Variants in MIB1 observed in about 807,000 individuals in gnomAD.
The protein encoded by MIB1 is MIB E3 ubiquitin protein ligase 1.
A neutral mutation model predicts 124.5 loss-of-function variants in MIB1; 278 were observed. That is an observed-to-expected ratio of 2.23 (90% CI 2.02 to 2.47). The LOEUF is 2.47. MIB1 is among the 30% of genes most tolerant of loss of function. The pLI, the probability that MIB1 is intolerant of heterozygous loss-of-function variation, is 0.00. For synonymous variants in MIB1, 446 were observed against 429.4 expected (o/e 1.04, Z -0.48); for missense variants, 957 against 1,254.4 (o/e 0.76, Z 3.58).
intron 13 of MIB1, among the ~76,000 whole-genome samples, chr18:21,842,546 G>T (rs551165625): frequency 2.0e-5 from 3 of 152,168 alleles, no homozygotes; most frequent in Admixed American, 2.0e-4. Context: ...CTTCATTAGG[G>T]TTCAGCTGTT....
chr18:21,809,972 T>A (rs1439974127), intron 10 of MIB1, among the ~76,000 whole-genome samples: 2 of 152,110 alleles, frequency 1.3e-5, no homozygotes, highest in East Asian at 3.8e-4. Context: ...GTGATCTTAG[T>A]GAAACCTAAA....
In MIB1 at chr18:21,857,250, C is replaced by T. The variant is rs1186513731; in HGVS notation, c.2779+7C>T. The T allele has an allele frequency of 5.6e-6, 9 of 1,594,398 alleles. No homozygotes were observed. The highest frequency in any genetic ancestry group is 2.2e-5 in the East Asian group (1 of 44,774). Reference sequence around the variant, plus strand: ...GATGCCACTGATGATATCTGTAAGTCGATTGTCTTAAGCATTTTCATATTT... The same window carrying T: ...GATGCCACTGATGATATCTGTAAGTTGATTGTCTTAAGCATTTTCATATTT... On this transcript the variant is annotated splice_region_variant and intron_variant, in intron 19 of 20. Transcript: ENST00000261537.
intron 1 of MIB1, among the ~76,000 whole-genome samples, chr18:21,750,588 A>G (rs1346845842): frequency 2.0e-5 from 3 of 152,240 alleles, no homozygotes; most frequent in Admixed American, 6.5e-5. Flanking sequence ...CGGCCTCCCA[A>G]AGTGCTGGGA....
intron 15 of MIB1, among the ~76,000 whole-genome samples, chr18:21,846,433 G>T (rs992621432): frequency 7.9e-5 from 12 of 152,184 alleles, no homozygotes; most frequent in African/African-American, 2.7e-4. Context: ...AAGATGATGA[G>T]AAGAATCTCA....
chr18:21,844,738 T>C (rs1415267123), intron 15 of MIB1, among the ~76,000 whole-genome samples: 1 of 152,106 alleles, frequency 6.6e-6, no homozygotes, highest in East Asian at 1.9e-4. Context: ...CATTCAGTTC[T>C]TTTTTAACAT....
chr18:21,835,801 C>CCACACAAACA (rs2042023532), intron 12 of MIB1, among the ~76,000 whole-genome samples: 1 of 101,586 alleles, frequency 9.8e-6, no homozygotes, highest in African/African-American at 3.9e-5. Context: ...ATATATATAT[C>CCACACAAACA]CACACACACA....
At chr18:21,751,465 T>C (rs747540533) in intron 1 of MIB1, among the ~76,000 whole-genome samples, 1 of 152,052 alleles carries the variant, frequency 6.6e-6, no homozygotes, top group Non-Finnish European at 1.5e-5. Context: ...TTCACCATGT[T>C]GGCCAGGCTG....
chr18:21,816,529 T>C (rs1264737458), intron 11 of MIB1, among the ~76,000 whole-genome samples: 11 of 152,212 alleles, frequency 7.2e-5, no homozygotes. Context: ...AAACAACATA[T>C]TATTTTTAAA....
chr18:21,862,250 C>CT (rs1305484610), intron 20 of MIB1, among the ~76,000 whole-genome samples: 5 of 152,122 alleles, frequency 3.3e-5, no homozygotes, highest in Admixed American at 3.3e-4. Flanking sequence ...CTTCTCAAAA[C>CT]TTTAAGACAA....
At chr18:21,778,305 G>T in intron 5 of MIB1, 136 bp downstream of exon 5, 3 of 536,670 alleles carry the variant, frequency 5.6e-6, no homozygotes, top group Non-Finnish European at 6.5e-6. Context: ...GCTTTCCTTT[G>T]GTCTTAAAGT....
chr18:21,724,731 T>A (rs1363034550), intron 1 of MIB1, among the ~76,000 whole-genome samples: 672 of 40,660 alleles, frequency 0.017, 11 homozygotes, highest in African/African-American at 0.05. Context: ...AAAAAAAATA[T>A]ATATATATAT....
At chr18:21,781,020 G>A (rs1292727428) in intron 6 of MIB1, among the ~76,000 whole-genome samples, 2 of 151,684 alleles carry the variant, frequency 1.3e-5, no homozygotes, top group African/African-American at 2.4e-5. Flanking sequence ...TCCCCTTTTC[G>A]TGTGTTCTTG....
At chr18:21,828,000 G>A (rs1284253551) in intron 12 of MIB1, 3 of 151,830 alleles carry the variant, frequency 2.0e-5, no homozygotes, top group African/African-American at 2.4e-5. Context: ...CTTAAAACAG[G>A]TACTGCTTAT....
chr18:21,857,581 A>G (rs1459709196), intron 19 of MIB1, among the ~76,000 whole-genome samples: 1 of 152,252 alleles, frequency 6.6e-6, no homozygotes, highest in Non-Finnish European at 1.5e-5. Flanking sequence ...CCATATTACA[A>G]TTTATTTTTC....
intron 1 of MIB1, among the ~76,000 whole-genome samples, chr18:21,744,652 C>T (rs1461094468): frequency 6.6e-6 from 1 of 152,154 alleles, no homozygotes; most frequent in Non-Finnish European, 1.5e-5. Context: ...ATCTTGTTAT[C>T]TCTCAAATTG....
At chr18:21,748,459 C>T (rs2040936839) in intron 1 of MIB1, among the ~76,000 whole-genome samples, 1 of 142,818 alleles carries the variant, frequency 7.0e-6, no homozygotes, top group Non-Finnish European at 1.5e-5. Flanking sequence ...TCTGGAGTTT[C>T]ACTCTTGTCC....
In MIB1 at chr18:21,870,057, G is replaced by T. The variant is rs558320374; in HGVS notation, c.*5391G>T. ...AGTCTTGTTTGTGAATATAGTTTCC[G>T]TATGGCAAATGATTTCTTGCTTATT... is the stretch of plus-strand genomic sequence containing the variant. On this transcript the variant is annotated 3_prime_UTR_variant, in exon 21 of 21. Transcript: ENST00000261537. The T allele has an allele frequency of 6.6e-6, 1 of 152,358 alleles. No individual in the cohort carries two copies. Among genetic ancestry groups the T allele is most frequent in the Non-Finnish European group, 1.5e-5 (1 of 67,922 alleles). The allele number at this position is 152,358 out of a possible 1,614,324, so 9.4% of individuals were successfully genotyped here.
At chr18:21,739,170 T>C (rs536908495), upstream of MIB1, among the ~76,000 whole-genome samples, 4 of 152,114 alleles carry the variant, frequency 2.6e-5, no homozygotes, top group East Asian at 7.7e-4. Context: ...TCTACGCAAA[T>C]AAACTAGAAA....
intron 1 of MIB1, among the ~76,000 whole-genome samples, chr18:21,765,151 C>A (rs1164404086): frequency 2.0e-5 from 3 of 152,066 alleles, no homozygotes; most frequent in Admixed American, 6.6e-5. Context: ...TAGTGGAGGT[C>A]ATTTTACCAA....
Sources: allele counts gnomAD v4.1 joint callset (sites outside exome capture counted in the v4.1 genomes callset), GRCh38; gene constraint gnomAD v4.1.1; transcripts MANE v1.5; gene names NCBI Gene and HGNC (gene_info 2026-07-23, HGNC 2026-07-21).